ADARB1: variants seen among roughly 807,000 people sequenced by gnomAD.
The protein encoded by ADARB1 is adenosine deaminase RNA specific B1, also known as double-stranded RNA-specific editase 1.
ADARB1 carries 10 observed loss-of-function variants against 52.4 expected under a neutral mutation model. That is an observed-to-expected ratio of 0.19 (90% CI 0.12 to 0.32). The LOEUF (loss-of-function observed/expected upper bound fraction) is 0.32, where lower values mean the gene tolerates loss of function less well. Ranked by LOEUF, ADARB1 falls within the 10% of genes least tolerant of loss-of-function variation. The pLI, the probability that ADARB1 is intolerant of heterozygous loss-of-function variation, is 1.00. For missense variants in ADARB1, 643 were observed against 922.3 expected (o/e 0.70, Z 3.92); for synonymous variants, 349 against 371.1 (o/e 0.94, Z 0.68).
chr21:45,154,551 C>A (rs559850867), intron 2 of ADARB1, among the ~76,000 whole-genome samples: 8 of 152,046 alleles, frequency 5.3e-5, no homozygotes, highest in Non-Finnish European at 1.2e-4. Context: ...AAATGTAATT[C>A]TTTGATGAAA....
rs1053903727 is a variant in ADARB1, at chr21:45,124,756, C to A, written c.-219-3646C>A. On this transcript the variant is annotated intron_variant, in intron 1 of 10. Transcript: ENST00000348831. The stretch of plus-strand genomic sequence containing the variant: ...AGTGTTAATAAGTTGTATTTCTTTT[C>A]TTTTTAAATGGTGTGTGTGTGTGTG... Among the ~76,000 whole-genome samples the A allele has an allele frequency of 7.8e-4, 8 of 10,266 alleles. 1 individual carries two copies. The Admixed American group carries it at 9.4e-3, about 12-fold the overall frequency. The allele number at this position is 10,266 out of a possible 152,430, so 6.7% of individuals were successfully genotyped here.
intron 2 of ADARB1, among the ~76,000 whole-genome samples, chr21:45,141,458 A>C (rs769249073): frequency 6.6e-6 from 1 of 152,178 alleles, no homozygotes; most frequent in Non-Finnish European, 1.5e-5. Context: ...ATACCTGTCA[A>C]TGTATGTTCC....
intron 1 of ADARB1, among the ~76,000 whole-genome samples, chr21:45,077,478 A>T (rs1176320024): frequency 1.3e-5 from 2 of 152,124 alleles, no homozygotes; most frequent in Non-Finnish European, 2.9e-5. Context: ...ATCCTTGCTA[A>T]CACGGTGAAA....
At chr21:45,113,019 C>T (rs2087614859) in intron 1 of ADARB1, among the ~76,000 whole-genome samples, 1 of 152,012 alleles carries the variant, frequency 6.6e-6, no homozygotes, top group South Asian at 2.1e-4. Flanking sequence ...CACTCATTGA[C>T]TAAACTTAGT....
intron 1 of ADARB1, among the ~76,000 whole-genome samples, chr21:45,119,742 A>G (rs1039406464): frequency 4.0e-4 from 61 of 152,348 alleles, no homozygotes; most frequent in African/African-American, 1.4e-3. Context: ...CGAAATAAAG[A>G]CGGAGATGAC....
intron 8 of ADARB1, among the ~76,000 whole-genome samples, chr21:45,199,242 G>A (rs1402548026): frequency 6.6e-6 from 1 of 152,170 alleles, no homozygotes; most frequent in East Asian, 1.9e-4. Context: ...TCTGAGTTCA[G>A]GGTCTTCATA....
chr21:45,196,471 G>C (rs1325652768), intron 8 of ADARB1, among the ~76,000 whole-genome samples: 1 of 152,090 alleles, frequency 6.6e-6, no homozygotes. Context: ...CACTAAAAAA[G>C]ACTTTCCATA....
intron 8 of ADARB1, among the ~76,000 whole-genome samples, chr21:45,185,972 A>G (rs2092091088): frequency 6.6e-6 from 1 of 152,174 alleles, no homozygotes; most frequent in African/African-American, 2.4e-5. Flanking sequence ...AGGCAACCTC[A>G]AGTACAGGGA....
chr21:45,114,800 A>G (rs2087739960), intron 1 of ADARB1, among the ~76,000 whole-genome samples: 1 of 152,202 alleles, frequency 6.6e-6, no homozygotes, highest in Admixed American at 6.5e-5. Flanking sequence ...TGCAGCAGGC[A>G]CTGTTACTAA....
chr21:45,196,597 A>G (rs2092431342), intron 8 of ADARB1, among the ~76,000 whole-genome samples: 1 of 152,244 alleles, frequency 6.6e-6, no homozygotes, highest in Admixed American at 6.5e-5. Flanking sequence ...TATCTAATAA[A>G]CGATTGGTAT....
intron 1 of ADARB1, among the ~76,000 whole-genome samples, chr21:45,075,308 T>TG (rs2085880147): frequency 6.8e-6 from 1 of 147,628 alleles, no homozygotes; most frequent in Non-Finnish European, 1.5e-5. Context: ...GGGGAGACGC[T>TG]CCGCCCGGCA....
At chr21:45,134,768 G>A (rs780047363) in intron 2 of ADARB1, 6 of 533,788 alleles carry the variant, frequency 1.1e-5, no homozygotes, top group Admixed American at 9.7e-5. Flanking sequence ...GAGCATTGAG[G>A]ACCCCCTAGA....
At chr21:45,171,773 G>A in intron 3 of ADARB1, 89 bp downstream of exon 3, 1 of 1,240,510 alleles carries the variant, frequency 8.1e-7, no homozygotes. Flanking sequence ...TGAGACCAGT[G>A]TGGGGATTGT....
intron 2 of ADARB1, among the ~76,000 whole-genome samples, chr21:45,129,527 C>T (rs539855242): frequency 3.9e-4 from 60 of 152,328 alleles, no homozygotes; most frequent in African/African-American, 1.3e-3. Context: ...TGGATACTGA[C>T]GAGCGCCCAC....
intron 2 of ADARB1, among the ~76,000 whole-genome samples, chr21:45,164,543 G>A (rs914407417): frequency 6.6e-6 from 1 of 151,398 alleles, no homozygotes; most frequent in Non-Finnish European, 1.5e-5. Context: ...GGAGCGGGGC[G>A]GTGGGGTGGG....
rs2092523977 is a variant in ADARB1, at chr21:45,200,331, A to G, written c.1566-4224A>G. On this transcript the variant is annotated intron_variant, in intron 8 of 10. Transcript: ENST00000348831. This position sits in a 1 kb window ranked among gnomAD's most constrained non-coding sequence, Gnocchi z 5.0. ...GCCCCAGAGAGTTGTCCACAAGACC[A>G]TGGGGTGAGAGGCTCCCATGGGGTT... Among the ~76,000 whole-genome samples the G allele has an allele frequency of 6.6e-6, 1 of 152,188 alleles. No homozygotes were observed. Among genetic ancestry groups the G allele is most frequent in the South Asian group, 2.1e-4 (1 of 4,834 alleles).
chr21:45,133,050 CAT>C (rs1250096297), intron 2 of ADARB1, among the ~76,000 whole-genome samples: 2 of 152,260 alleles, frequency 1.3e-5, no homozygotes, highest in Non-Finnish European at 2.9e-5. Flanking sequence ...TTTTCACAGT[CAT>C]GTGCTTCTGG....
At chr21:45,110,837 C>T (rs1447848706) in intron 1 of ADARB1, among the ~76,000 whole-genome samples, 1 of 152,154 alleles carries the variant, frequency 6.6e-6, no homozygotes, top group Non-Finnish European at 1.5e-5. Context: ...GCATCTCTGT[C>T]AGTTTTTACC....
intron 2 of ADARB1, among the ~76,000 whole-genome samples, chr21:45,130,256 A>G (rs2088847996): frequency 6.6e-6 from 1 of 152,256 alleles, no homozygotes; most frequent in South Asian, 2.1e-4. Flanking sequence ...TATATGTGAA[A>G]TAGCAAGTAT....
Sources: allele counts gnomAD v4.1 joint callset (sites outside exome capture counted in the v4.1 genomes callset), GRCh38; gene constraint gnomAD v4.1.1; non-coding constraint Gnocchi (gnomAD v3.1); transcripts MANE v1.5; gene names NCBI Gene and HGNC (gene_info 2026-07-23, HGNC 2026-07-21).